The following MGAT4C variants were observed in gnomAD, a reference collection of about 807,000 sequenced individuals.
MGAT4C encodes MGAT4 family member C, also known as alpha-1,3-mannosyl-glycoprotein 4-beta-N-acetylglucosaminyltransferase C.
Under a neutral mutation model 40.1 loss-of-function variants are expected in MGAT4C, and 19 were observed. The observed-to-expected ratio is 0.47, with a 90% confidence interval of 0.33 to 0.70. The LOEUF (loss-of-function observed/expected upper bound fraction) is 0.70, where lower values mean the gene tolerates loss of function less well. Ranked by LOEUF, MGAT4C falls within the 30% of genes least tolerant of loss-of-function variation. MGAT4C has a pLI of 0.02. For missense variants in MGAT4C, 491 were observed against 563.2 expected (o/e 0.87, Z 1.30); for synonymous variants, 181 against 187.1 (o/e 0.97, Z 0.27).
chr12:86,377,421 G>A (rs747073509), intron 3 of MGAT4C, among the ~76,000 whole-genome samples: 16 of 152,048 alleles, frequency 1.1e-4, no homozygotes, highest in Non-Finnish European at 2.1e-4. Context: ...AAAATGAAAT[G>A]GTAATCAACA....
At chr12:86,099,744 G>C (rs1015990517) in intron 1 of MGAT4C, among the ~76,000 whole-genome samples, 4 of 151,218 alleles carry the variant, frequency 2.6e-5, no homozygotes, top group Admixed American at 1.3e-4. Context: ...ATTTTTAGTT[G>C]TGTTTTTGCC....
intron 2 of MGAT4C, among the ~76,000 whole-genome samples, chr12:86,004,395 A>G (rs1030783493): frequency 1.3e-5 from 2 of 152,140 alleles, no homozygotes; most frequent in African/African-American, 2.4e-5. Context: ...TAGCCAAATT[A>G]TCTTGTCATT....
chr12:86,139,539 A>G (rs946346022), intron 1 of MGAT4C, among the ~76,000 whole-genome samples: 2 of 152,064 alleles, frequency 1.3e-5, no homozygotes, highest in Admixed American at 1.3e-4. Context: ...ATTTCATTAT[A>G]TAAGTAAAAT....
intron 4 of MGAT4C, among the ~76,000 whole-genome samples, chr12:86,287,086 T>C (rs1032558001): frequency 6.6e-6 from 1 of 152,146 alleles, no homozygotes; most frequent in Non-Finnish European, 1.5e-5. Context: ...GTGAGTTATA[T>C]TCCTTTGGGT....
intron 1 of MGAT4C, among the ~76,000 whole-genome samples, chr12:86,766,604 C>T (rs991058150): frequency 6.7e-6 from 1 of 149,136 alleles, no homozygotes; most frequent in African/African-American, 2.4e-5. Flanking sequence ...CCACAATTGA[C>T]CACATAGTTG....
rs542753044 is a variant in MGAT4C at position 86,093,958 on chromosome 12, A to T, written c.-56-44235T>A. 1.6e-4 allele frequency among the ~76,000 whole-genome samples: 25 copies of T among 152,252 alleles called. No homozygotes were observed. In the South Asian group the frequency reaches 4.8e-3, roughly 29 times the overall value. On this transcript the variant is annotated intron_variant, in intron 1 of 4. Coordinates refer to ENST00000611864, the MANE Select transcript of MGAT4C (RefSeq NM_001351288.2). The stretch of plus-strand genomic sequence containing the variant: ...TTTCTTGCATATTCTTGTAATTATT[A>T]GTTTACTTTTATGTCTTACTCATAG...
intron 3 of MGAT4C, among the ~76,000 whole-genome samples, chr12:86,353,863 A>C (rs922473090): frequency 6.6e-6 from 1 of 152,234 alleles, no homozygotes; most frequent in East Asian, 1.9e-4. Context: ...GTAGATGTGC[A>C]CGAGCGTAAT....
intron 4 of MGAT4C, among the ~76,000 whole-genome samples, chr12:86,265,096 TGCCCCACCCCCCGACCCCCA>T (rs1364130018): frequency 6.6e-6 from 1 of 152,134 alleles, no homozygotes; most frequent in Non-Finnish European, 1.5e-5. Flanking sequence ...CACCTGGAGC[TGCCCCACCCCCCGACCCCCA>T]GCCGGCATGC....
At chr12:86,627,070 C>T (rs1017277971) in intron 2 of MGAT4C, among the ~76,000 whole-genome samples, 1 of 152,222 alleles carries the variant, frequency 6.6e-6, no homozygotes, top group Non-Finnish European at 1.5e-5. Context: ...AGATTATATC[C>T]CATGCATGGC....
chr12:86,574,040 A>T (rs1960467174), intron 2 of MGAT4C, among the ~76,000 whole-genome samples: 1 of 151,724 alleles, frequency 6.6e-6, no homozygotes, highest in Non-Finnish European at 1.5e-5. Context: ...ACTATGCTTT[A>T]GAGATACTTT....
intron 2 of MGAT4C, among the ~76,000 whole-genome samples, chr12:86,509,157 A>T (rs957996399): frequency 1.6e-4 from 25 of 152,194 alleles, no homozygotes; most frequent in African/African-American, 6.0e-4. Context: ...CTGAATAGTA[A>T]TGCCTCGGTT....
At chr12:86,432,925 T>C (rs572813906) in intron 3 of MGAT4C, among the ~76,000 whole-genome samples, 1 of 152,100 alleles carries the variant, frequency 6.6e-6, no homozygotes, top group Admixed American at 6.6e-5. Flanking sequence ...TATAAGAAAA[T>C]TCCCAAATGG....
chr12:86,474,212 T>C (rs992023635), intron 2 of MGAT4C, among the ~76,000 whole-genome samples: 3 of 151,704 alleles, frequency 2.0e-5, no homozygotes, highest in African/African-American at 7.3e-5. Flanking sequence ...TGAGTTCATG[T>C]CCTTTGTAGG....
intron 3 of MGAT4C, among the ~76,000 whole-genome samples, chr12:86,428,468 C>T (rs982447482): frequency 1.3e-5 from 2 of 152,180 alleles, no homozygotes; most frequent in Non-Finnish European, 2.9e-5. Flanking sequence ...CTGCCTCGGC[C>T]TCTAAAAGTG....
chr12:86,413,729 A>C (rs1223138206), intron 3 of MGAT4C, among the ~76,000 whole-genome samples: 1 of 152,116 alleles, frequency 6.6e-6, no homozygotes, highest in Non-Finnish European at 1.5e-5. Context: ...GGTCTGCCTA[A>C]ATTATTGCTT....
chr12:86,178,887 AT>A (rs1887784217), intron 1 of MGAT4C, among the ~76,000 whole-genome samples: 1 of 152,124 alleles, frequency 6.6e-6, no homozygotes, highest in African/African-American at 2.4e-5. Flanking sequence ...CTCTGCTGTG[AT>A]CTTTATGATT....
intron 1 of MGAT4C, among the ~76,000 whole-genome samples, chr12:86,760,734 T>G (rs1951390668): frequency 1.3e-5 from 2 of 152,188 alleles, no homozygotes; most frequent in South Asian, 4.1e-4. Flanking sequence ...AAAAATGCCC[T>G]TAGTTAAAAA....
intron 2 of MGAT4C, among the ~76,000 whole-genome samples, chr12:86,546,937 C>A (rs1959196598): frequency 6.6e-6 from 1 of 151,648 alleles, no homozygotes; most frequent in Non-Finnish European, 1.5e-5. Flanking sequence ...GGTGTTATTT[C>A]TAAAATTTTG....
chr12:86,076,455 GTA>G (rs1565947515), intron 1 of MGAT4C, among the ~76,000 whole-genome samples: 1 of 152,060 alleles, frequency 6.6e-6, no homozygotes, highest in Non-Finnish European at 1.5e-5. Context: ...ACAGTTTCAG[GTA>G]TCTTTTCAGC....
Sources: allele counts gnomAD v4.1 joint callset (sites outside exome capture counted in the v4.1 genomes callset), GRCh38; gene constraint gnomAD v4.1.1; transcripts MANE v1.5; gene names NCBI Gene and HGNC (gene_info 2026-07-23, HGNC 2026-07-21).